The following ARHGEF11 variants were observed in gnomAD, a reference collection of about 807,000 sequenced individuals.
The protein encoded by ARHGEF11 is Rho guanine exchange factor (GEF) 11.
ARHGEF11 carries 55 observed loss-of-function variants against 193.7 expected under a neutral mutation model. That is an observed-to-expected ratio of 0.28 (90% CI 0.23 to 0.36). The LOEUF (loss-of-function observed/expected upper bound fraction) is 0.36, where lower values mean the gene tolerates loss of function less well. ARHGEF11 is among the 10% of genes least tolerant of loss of function. The pLI is 1.00. For synonymous variants in ARHGEF11, 693 were observed against 768.0 expected, an observed-to-expected ratio of 0.90 and a Z score of 1.62; for missense variants, 1,723 against 2,005.6, an observed-to-expected ratio of 0.86 and a Z score of 2.69.
intron 32 of ARHGEF11, among the ~76,000 whole-genome samples, chr1:156,943,523 C>T (rs761736497): frequency 1.3e-5 from 2 of 152,198 alleles, no homozygotes; most frequent in Non-Finnish European, 2.9e-5. Flanking sequence ...TGTCCCTGTC[C>T]ACTGGACCCA....
rs1448437634 is a variant in ARHGEF11 at position 156,969,438 on chromosome 1, G to A, written c.749-80C>T. 5 of 1,376,842 alleles carry A rather than the reference G, an allele frequency of 3.6e-6. No individual in the cohort carries two copies. The East Asian group carries it at 9.9e-5, about 27-fold the overall frequency. 85.3% of individuals were successfully genotyped at this position (1,376,842 alleles called of 1,614,324 possible). On this transcript the variant is annotated intron_variant, in intron 9 of 40. Coordinates refer to ENST00000368194, the MANE Select transcript of ARHGEF11 (RefSeq NM_198236.3). ...GAGCCTTTATTCTGGGCACCTGTGT[G>A]CAGGGCAGGAAGAGGGAGCTGCCAC...
chr1:156,950,864 T>C (rs1054711415), intron 22 of ARHGEF11, among the ~76,000 whole-genome samples: 22 of 152,326 alleles, frequency 1.4e-4, no homozygotes, highest in Admixed American at 1.2e-3. Context: ...TTTTAAGTGT[T>C]GGCTATAGAA....
chr1:156,961,924 C>A (rs1413444750), intron 13 of ARHGEF11, 149 bp from the exon 14 acceptor site: 12 of 641,056 alleles, frequency 1.9e-5, no homozygotes, highest in Middle Eastern at 3.5e-4. Flanking sequence ...TGGGTACAGC[C>A]CAGTGATGCA....
At chr1:157,013,055 G>A (rs1320700047) in intron 1 of ARHGEF11, among the ~76,000 whole-genome samples, 1 of 152,072 alleles carries the variant, frequency 6.6e-6, no homozygotes, top group Non-Finnish European at 1.5e-5. Flanking sequence ...GGAGGTATAT[G>A]AAGTTGACAG....
At chr1:157,037,885 A>G (rs1557994740) in intron 1 of ARHGEF11, among the ~76,000 whole-genome samples, 1 of 151,764 alleles carries the variant, frequency 6.6e-6, no homozygotes, top group Non-Finnish European at 1.5e-5. Context: ...TACAAAAAGT[A>G]TACCGGGTGT....
chr1:157,046,214 C>T (rs1284277871), upstream of ARHGEF11, among the ~76,000 whole-genome samples: 3 of 150,664 alleles, frequency 2.0e-5, no homozygotes, highest in Non-Finnish European at 3.0e-5. Context: ...CGCCAGGCAC[C>T]GCGCGCCGTC....
Position 156,946,973 on chromosome 1 carries a change from G to A in ARHGEF11, c.2531C>T (p.Pro844Leu). The A allele has an allele frequency of 6.2e-7, 1 of 1,614,088 alleles. No homozygotes were observed. The highest frequency in any genetic ancestry group is 1.1e-5 in the South Asian group (1 of 91,080). The stretch of plus-strand genomic sequence containing the variant: ...GAGGTCACTGATCTCTTTGATGATG[G>A]GGCCTTCCTCCCGGAGCTTCTTCAT... Reference protein sequence around the residue: ...EAMKKLREEGPIIKEISDLML... With the variant: ...EAMKKLREEGLIIKEISDLML... The change falls in exon 27 of 41, where the codon CCC (proline) becomes CTC (leucine). Residue 844 changes from proline to leucine, a missense_variant. Physicochemically the swap from Pro to Leu is moderately conservative, Grantham distance 98 (BLOSUM62 -3). This residue lies in a region of ARHGEF11 where 491 missense variants were observed against 654.5 expected (regional missense o/e 0.75). Transcript: ENST00000368194.
intron 25 of ARHGEF11, 73 bp downstream of exon 25, chr1:156,947,696 C>T (rs1658398914): frequency 5.8e-6 from 9 of 1,560,302 alleles, no homozygotes; most frequent in Non-Finnish European, 7.0e-6. Context: ...CTTTCCCACC[C>T]TTGTGTCTTA....
At chr1:156,991,648 G>A (rs762312887) in intron 1 of ARHGEF11, among the ~76,000 whole-genome samples, 16 of 149,128 alleles carry the variant, frequency 1.1e-4, no homozygotes, top group Non-Finnish European at 2.2e-4. Context: ...ATCAATTTGA[G>A]ATATATTTAT....
At chr1:156,944,244 C>G (rs1396478612) in intron 31 of ARHGEF11, 114 bp downstream of exon 31, 1 of 1,441,934 alleles carries the variant, frequency 6.9e-7, no homozygotes, top group Non-Finnish European at 9.6e-7. Flanking sequence ...TATTCCCTTC[C>G]CATGTCCTGA....
intron 13 of ARHGEF11, among the ~76,000 whole-genome samples, chr1:156,962,701 A>C (rs1661077736): frequency 6.6e-6 from 1 of 150,768 alleles, no homozygotes; most frequent in African/African-American, 2.4e-5. Flanking sequence ...ATACGGTGAA[A>C]CCCCGTCTCT....
At chr1:156,992,184 A>G (rs1466986864) in intron 1 of ARHGEF11, among the ~76,000 whole-genome samples, 1 of 152,170 alleles carries the variant, frequency 6.6e-6, no homozygotes, top group African/African-American at 2.4e-5. Flanking sequence ...AAAACTAAAT[A>G]AATACCTATA....
chr1:156,962,936 G>T (rs1011759964), intron 13 of ARHGEF11, among the ~76,000 whole-genome samples: 1 of 138,962 alleles, frequency 7.2e-6, no homozygotes, highest in Non-Finnish European at 1.5e-5. Context: ...TCTCCAAGAC[G>T]ACTTCCTGAA....
At chr1:157,022,106 C>T (rs1670052448) in intron 1 of ARHGEF11, among the ~76,000 whole-genome samples, 1 of 152,234 alleles carries the variant, frequency 6.6e-6, no homozygotes, top group South Asian at 2.1e-4. Flanking sequence ...AAACTGAATG[C>T]TTTCTCCCTA....
rs874112 is a variant in ARHGEF11 at position 156,942,042 on chromosome 1, G to A, written c.3327-53C>T. 204 of 1,612,240 alleles carry A rather than the reference G, an allele frequency of 1.3e-4. 2 individuals carry two copies. In the Admixed American group the frequency reaches 1.5e-3, roughly 12 times the overall value. The stretch of plus-strand genomic sequence containing the variant: ...TGTAGTGAGAGCAAGATAGCAGCAC[G>A]CACCACCCCGTACTGAGCCCACTGG... On this transcript the variant is annotated intron_variant, in intron 33 of 40. Transcript: ENST00000368194.
chr1:157,039,919 T>C (rs994489035), intron 1 of ARHGEF11, among the ~76,000 whole-genome samples: 12 of 152,216 alleles, frequency 7.9e-5, no homozygotes, highest in Non-Finnish European at 1.2e-4. Flanking sequence ...ACAGAGGCTG[T>C]GAGCTTCCAG....
intron 1 of ARHGEF11, among the ~76,000 whole-genome samples, chr1:157,000,853 G>C (rs1032082019): frequency 1.3e-5 from 2 of 152,174 alleles, no homozygotes; most frequent in African/African-American, 4.8e-5. Flanking sequence ...GCTGTAATGG[G>C]GGGCAGAAGT....
At chr1:156,951,978 CATT>C (rs541881770) in intron 21 of ARHGEF11, among the ~76,000 whole-genome samples, 114 of 152,104 alleles carry the variant, frequency 7.5e-4, no homozygotes, top group African/African-American at 2.6e-3. Flanking sequence ...TTGGCTCTCA[CATT>C]ATTATAATAA....
rs546326588 is a variant in ARHGEF11 at position 157,036,900 on chromosome 1, C to T, written c.32+7399G>A. Among the ~76,000 whole-genome samples the T allele has an allele frequency of 2.6e-5, 4 of 151,888 alleles. No individual in the cohort carries two copies. The East Asian group carries it at 7.8e-4, about 30-fold the overall frequency. On this transcript the variant is annotated intron_variant, in intron 1 of 40. Transcript: ENST00000368194. Reference sequence around the variant, plus strand: ...CAGCACTGTGGGAGGTGGAGGCGGGCGGATCACCTGAGATCAGGAGTTTGA... The same window carrying T: ...CAGCACTGTGGGAGGTGGAGGCGGGTGGATCACCTGAGATCAGGAGTTTGA...
Sources: gnomAD v4.1 joint callset for allele counts (sites outside exome capture counted in the v4.1 genomes callset) on GRCh38, gnomAD v4.1.1 for gene constraint, gnomAD v4.1.1 regional missense constraint, MANE v1.5 for transcripts, NCBI Gene and HGNC (gene_info 2026-07-23, HGNC 2026-07-21) for gene names.